Variants in PLAT observed in about 807,000 individuals in gnomAD.
PLAT encodes plasminogen activator, tissue type.
In PLAT, 48 loss-of-function variants were observed where a neutral mutation model predicts 74.9. The observed-to-expected ratio is 0.64, with a 90% CI of 0.51 to 0.82. The LOEUF is 0.82. Ranked by LOEUF, PLAT falls within the 40% of genes least tolerant of loss-of-function variation. The pLI, the probability that PLAT is intolerant of heterozygous loss-of-function variation, is 0.00. For synonymous variants in PLAT, 307 were observed against 294.4 expected, an observed-to-expected ratio of 1.04 and a Z score of -0.44; for missense variants, 673 against 736.2, an observed-to-expected ratio of 0.91 and a Z score of 0.99.
intron 5 of PLAT, 60 bp downstream of exon 5, chr8:42,187,846 G>T: frequency 8.5e-7 from 1 of 1,183,250 alleles, no homozygotes. Context: ...TTCCTTCCGG[G>T]GGCGGGGGAG....
chr8:42,183,915 C>G (rs1805346990), intron 7 of PLAT, among the ~76,000 whole-genome samples: 1 of 151,592 alleles, frequency 6.6e-6, no homozygotes, highest in East Asian at 1.9e-4. Context: ...ATGTGTATTA[C>G]ATATATATAT....
At chr8:42,191,640 G>A (rs1300002590) in intron 2 of PLAT, among the ~76,000 whole-genome samples, 1 of 152,090 alleles carries the variant, frequency 6.6e-6, no homozygotes, top group African/African-American at 2.4e-5. Flanking sequence ...TGGTGGAAAT[G>A]TTTTCTGTCT....
At chr8:42,180,107 C>G in intron 11 of PLAT, 41 bp from the exon 12 acceptor site, 1 of 1,590,314 alleles carries the variant, frequency 6.3e-7, no homozygotes, top group Non-Finnish European at 8.6e-7. Context: ...GTGAGGGCCG[C>G]GTCCCCGGGA....
At chr8:42,194,005 C>T (rs1003252255) in intron 1 of PLAT, among the ~76,000 whole-genome samples, 192 of 964 alleles carry the variant, frequency 0.2, 2 homozygotes, top group Admixed American at 0.33. Context: ...TGAGCCACCG[C>T]GCCCCCGCTG....
At chr8:42,197,351 CAG>C (rs1177912889) in intron 1 of PLAT, among the ~76,000 whole-genome samples, 1 of 152,196 alleles carries the variant, frequency 6.6e-6, no homozygotes, top group Non-Finnish European at 1.5e-5. Flanking sequence ...CTGTAGCAAC[CAG>C]AGTGACTCTG....
intron 13 of PLAT, among the ~76,000 whole-genome samples, chr8:42,178,482 C>A (rs561177723): frequency 1.4e-4 from 22 of 152,238 alleles, no homozygotes; most frequent in Non-Finnish European, 5.9e-5. Flanking sequence ...GTTGGTCAGG[C>A]TGGTCTCGAA....
At chr8:42,187,260 A>G in intron 6 of PLAT, 138 bp downstream of exon 6, 1 of 618,522 alleles carries the variant, frequency 1.6e-6, no homozygotes, top group Non-Finnish European at 2.7e-6. Flanking sequence ...ATCATCTATT[A>G]TCTGTCTATC....
chr8:42,177,388 G>A (rs1375683239), intron 13 of PLAT, among the ~76,000 whole-genome samples: 1 of 152,230 alleles, frequency 6.6e-6, no homozygotes, highest in African/African-American at 2.4e-5. Flanking sequence ...AGAGTGGGTA[G>A]ATTGTATCTC....
intron 10 of PLAT, 25 bp downstream of exon 10, chr8:42,180,465 A>T (rs760842546): frequency 3.7e-6 from 6 of 1,613,804 alleles, no homozygotes; most frequent in South Asian, 3.3e-5. Flanking sequence ...GGGTGGAAAA[A>T]CCAACTGGGT....
chr8:42,201,128 C>T (rs913683921), intron 1 of PLAT, among the ~76,000 whole-genome samples: 1 of 152,206 alleles, frequency 6.6e-6, no homozygotes, highest in African/African-American at 2.4e-5. Context: ...ACACGCCTGG[C>T]CATAACGTTC....
In PLAT at chr8:42,193,114, C is replaced by T; in HGVS notation, c.72G>A (p.Gln24=). ...GGACACAGGGATCCTGCACACCAAC[C>T]TGGCTGGGCGAAACGAAGACTGCTC... The part of the protein sequence containing the change: ...LCGAVFVSPS[Q]EIHARFRRGA... Residue 24 remains glutamine, a splice_region_variant and synonymous_variant, in exon 2 of 14, where the codon CAG becomes CAA. Transcript: ENST00000220809. 2 of 1,611,192 alleles carry T rather than the reference C, an allele frequency of 1.2e-6. No individual in the cohort carries two copies. The highest frequency in any genetic ancestry group is 1.7e-4 in the Middle Eastern group (1 of 6,054).
intron 6 of PLAT, 24 bp downstream of exon 6, chr8:42,187,374 C>T: frequency 6.5e-7 from 1 of 1,535,460 alleles, no homozygotes; most frequent in East Asian, 2.3e-5. Context: ...CAGGGGGAAT[C>T]CCTCCTTGGG....
chr8:42,200,864 CTG>C (rs1266651205), intron 1 of PLAT, among the ~76,000 whole-genome samples: 2 of 151,588 alleles, frequency 1.3e-5, no homozygotes, highest in African/African-American at 4.9e-5. Context: ...GAGTTTCACT[CTG>C]TTGCCCAGGC....
intron 7 of PLAT, among the ~76,000 whole-genome samples, chr8:42,183,623 C>T (rs529186354): frequency 2.0e-5 from 3 of 152,192 alleles, no homozygotes; most frequent in Admixed American, 6.5e-5. Context: ...GGGTATGAGC[C>T]GTGGAGTGCT....
intron 1 of PLAT, among the ~76,000 whole-genome samples, chr8:42,200,272 C>T (rs1439201199): frequency 6.6e-6 from 1 of 152,146 alleles, no homozygotes; most frequent in Non-Finnish European, 1.5e-5. Context: ...AGAGCAGTGG[C>T]TCACGTCTGT....
At position 42,175,901 on chromosome 8, in the gene PLAT, G is replaced by A. The variant is rs1804949880; in HGVS notation, c.*92C>T. On this transcript the variant is annotated 3_prime_UTR_variant, in exon 14 of 14. Transcript: ENST00000220809. The stretch of plus-strand genomic sequence containing the variant: ...GCTTCTGCGGTGTGGTGGGTCTGGA[G>A]AAGTCTGTAGAGAAGCACTGCGCCT... The A allele has an allele frequency of 4.7e-6, 6 of 1,281,840 alleles. No homozygotes were observed. The highest frequency in any genetic ancestry group is 6.7e-6 in the Non-Finnish European group (6 of 898,068). 79.4% of individuals were successfully genotyped at this position (1,281,840 alleles called of 1,614,324 possible).
chr8:42,178,704 CTTAGGT>C (rs929818079), intron 13 of PLAT, among the ~76,000 whole-genome samples, 187 bp downstream of exon 13: 8 of 152,344 alleles, frequency 5.3e-5, no homozygotes, highest in Middle Eastern at 6.8e-3. Context: ...GTTTAGAATT[CTTAGGT>C]TTAGGTGACT....
At chr8:42,190,287 A>T (rs373992393) in intron 3 of PLAT, among the ~76,000 whole-genome samples, 1 of 152,176 alleles carries the variant, frequency 6.6e-6, no homozygotes, top group African/African-American at 2.4e-5. Flanking sequence ...TGTCTACCAG[A>T]GTTTTTTATC....
Position 42,182,038 on chromosome 8 carries a change from GT to G in PLAT, c.804-17del. 1 of 1,502,440 alleles carries G rather than the reference GT, an allele frequency of 6.7e-7. No individual in the cohort carries two copies. 93.1% of individuals were successfully genotyped at this position (1,502,440 alleles called of 1,614,324 possible). On this transcript the variant is annotated splice_polypyrimidine_tract_variant and intron_variant, in intron 8 of 13. Coordinates refer to ENST00000220809, the MANE Select transcript of PLAT (RefSeq NM_000930.5). ...ATCAGGATTCCTAAATGATAAGAGA[GT>G]TTAAGGTTTCCTTTTTATCTTCTTA...
Sources: allele counts gnomAD v4.1 joint callset (sites outside exome capture counted in the v4.1 genomes callset), GRCh38; gene constraint gnomAD v4.1.1; transcripts MANE v1.5; gene names NCBI Gene and HGNC (gene_info 2026-07-23, HGNC 2026-07-21).